The following DNAI2 variants were observed in gnomAD, a reference collection of about 807,000 sequenced individuals.
DNAI2 encodes the protein dynein, axonemal, intermediate polypeptide 2.
Under a neutral mutation model 74.7 loss-of-function variants are expected in DNAI2, and 63 were observed. The observed-to-expected ratio is 0.84, with a 90% confidence interval of 0.69 to 1.04. DNAI2 has a LOEUF of 1.04. DNAI2 is among the 50% of genes least tolerant of loss of function. DNAI2 has a pLI of 0.00. For missense variants in DNAI2, 688 were observed against 803.2 expected (o/e 0.86, Z 1.73); for synonymous variants, 289 against 314.9 (o/e 0.92, Z 0.87).
rs915342549 is a variant in DNAI2, at chr17:74,300,248, A to G, written c.864+391A>G. Reference sequence around the variant, plus strand: ...AGGCATGAGCCACTGCGCCCAGCCTAACACTTTATTTTTAAGTTGAGTAGT... The same window carrying G: ...AGGCATGAGCCACTGCGCCCAGCCTGACACTTTATTTTTAAGTTGAGTAGT... On this transcript the variant is annotated intron_variant, in intron 7 of 13. Transcript: ENST00000311014. This position sits in a 1 kb window ranked among gnomAD's most constrained non-coding sequence, Gnocchi z 4.5. Among the ~76,000 whole-genome samples, 1 of 152,126 alleles carries G rather than the reference A, an allele frequency of 6.6e-6. No individual in the cohort carries two copies. The highest frequency in any genetic ancestry group is 1.9e-4 in the East Asian group (1 of 5,186).
chr17:74,279,337 G>A (rs1439160253), intron 1 of DNAI2, among the ~76,000 whole-genome samples: 1 of 151,982 alleles, frequency 6.6e-6, no homozygotes, highest in Non-Finnish European at 1.5e-5. Context: ...AGTATAACTG[G>A]ATTGTTTGTA....
At chr17:74,313,988 G>A (rs758148650) in intron 12 of DNAI2, 133 bp from the exon 13 acceptor site, 7 of 1,478,536 alleles carry the variant, frequency 4.7e-6, no homozygotes, top group Non-Finnish European at 5.6e-6. Context: ...CTGGCACCCG[G>A]GTTCCAGGGT....
At chr17:74,282,863 G>A (rs997188690) in intron 2 of DNAI2, among the ~76,000 whole-genome samples, 7 of 152,212 alleles carry the variant, frequency 4.6e-5, no homozygotes, top group Non-Finnish European at 1.0e-4. Context: ...CCAACAGTCA[G>A]GTGGGTGTGG....
At chr17:74,304,250 A>G (rs2053054786) in intron 8 of DNAI2, among the ~76,000 whole-genome samples, 1 of 115,192 alleles carries the variant, frequency 8.7e-6, no homozygotes, top group Non-Finnish European at 1.6e-5. Context: ...GCTGGAGTGC[A>G]GTGGCATGAT....
chr17:74,303,318 T>A (rs977976070), intron 8 of DNAI2, among the ~76,000 whole-genome samples: 1 of 152,132 alleles, frequency 6.6e-6, no homozygotes, highest in Non-Finnish European at 1.5e-5. Context: ...GCCACTCAGA[T>A]CTGGGTGGCC....
At chr17:74,301,299 C>A in intron 8 of DNAI2, 131 bp downstream of exon 8, 1 of 1,338,068 alleles carries the variant, frequency 7.5e-7, no homozygotes, top group Non-Finnish European at 1.1e-6. Flanking sequence ...CTCACTGCAG[C>A]CATCCTAGAC....
Position 74,289,745 on chromosome 17 carries a change from C to T in DNAI2, c.610+9C>T. The stretch of plus-strand genomic sequence containing the variant: ...ATACATCTGGGACCTGGGTGAGAAG[C>T]AGCGGGGTCCTGGTGGCCTGGGAGG... On this transcript the variant is annotated intron_variant, in intron 5 of 13. Transcript: ENST00000311014. 1 of 1,613,780 alleles carries T rather than the reference C, an allele frequency of 6.2e-7. No individual in the cohort carries two copies.
At position 74,299,876 on chromosome 17, in the gene DNAI2, C is replaced by T. The variant is rs752816207; in HGVS notation, c.864+19C>T. 4 of 1,613,146 alleles carry T rather than the reference C, an allele frequency of 2.5e-6. No individual in the cohort carries two copies. The highest frequency in any genetic ancestry group is 2.7e-5 in the African/African-American group (2 of 75,038). ...TGGGCAGGTACCCACCAGCCAGACA[C>T]TGGAGAGAGGAGGGAAGGGAGGGGC... On this transcript the variant is annotated intron_variant, in intron 7 of 13. Transcript: ENST00000311014.
intron 1 of DNAI2, among the ~76,000 whole-genome samples, chr17:74,277,927 T>C (rs2051190884): frequency 6.6e-6 from 1 of 152,076 alleles, no homozygotes; most frequent in South Asian, 2.1e-4. Flanking sequence ...CCTGGAGAAT[T>C]AAAGAAAAAA....
rs544154012 is a variant in DNAI2 at position 74,309,473 on chromosome 17, C to T, written c.1347+85C>T. ...GTGTGAGTGTGGGGTGCTGTGAGCA[C>T]GTGTGCAGTGTGTGGCCAGGTGTGT... On this transcript the variant is annotated intron_variant, in intron 10 of 13. Coordinates refer to ENST00000311014, the MANE Select transcript of DNAI2 (RefSeq NM_023036.6). 16 of 1,584,686 alleles carry T rather than the reference C, an allele frequency of 1.0e-5. No individual in the cohort carries two copies. In the Admixed American group the frequency reaches 1.0e-4, roughly 10 times the overall value.
At position 74,289,637 on chromosome 17, in the gene DNAI2, C is replaced by T. The variant is rs1197383886; in HGVS notation, c.511C>T (p.His171Tyr). 4 of 1,614,098 alleles carry T rather than the reference C, an allele frequency of 2.5e-6. No homozygotes were observed. Among genetic ancestry groups the T allele is most frequent in the Admixed American group, 3.3e-5 (2 of 60,008 alleles). ...GAGGGCTGCCACACACCTCTCCTGG[C>T]ACCCCGATGGCAACAGGAAGTTGGC... is the stretch of plus-strand genomic sequence containing the variant. ...IKRAATHLSW[H>Y]PDGNRKLAVA... is the part of the protein sequence containing the mutation. The change falls in exon 5 of 14, where the codon CAC becomes TAC. Residue 171 changes from histidine (H) to tyrosine (Y), a missense_variant. Transcript: ENST00000311014.
intron 1 of DNAI2, among the ~76,000 whole-genome samples, chr17:74,277,618 G>A (rs1202942064): frequency 6.6e-6 from 1 of 152,216 alleles, no homozygotes; most frequent in African/African-American, 2.4e-5. Context: ...GGGGCACACA[G>A]CTCCTGCCCT....
intron 7 of DNAI2, 80 bp downstream of exon 7, chr17:74,299,937 G>A (rs190922660): frequency 6.3e-7 from 1 of 1,588,800 alleles, no homozygotes; most frequent in African/African-American, 1.3e-5. Flanking sequence ...AGAACCCCTG[G>A]GGACATTTCC....
At chr17:74,282,809 GA>G (rs1426232471) in intron 2 of DNAI2, among the ~76,000 whole-genome samples, 1 of 152,230 alleles carries the variant, frequency 6.6e-6, no homozygotes, top group African/African-American at 2.4e-5. Context: ...AACAACTGCT[GA>G]GATAAAATGA....
Position 74,312,104 on chromosome 17 carries a change from G to A in DNAI2, c.1596G>A (p.Gln532=), listed in dbSNP as rs372751337. The A allele has an allele frequency of 2.5e-6, 4 of 1,613,666 alleles. No homozygotes were observed. Among genetic ancestry groups the A allele is most frequent in the Admixed American group, 3.3e-5 (2 of 60,016 alleles). The part of the protein sequence containing the change: ...KGKAEGRDEE[Q]TDEELAVDLE... Reference sequence around the variant, plus strand: ...AGGCGGAGGGCAGGGATGAGGAGCAGACCGATGAGGAGCTGGCCGTAGACC... The same window carrying A: ...AGGCGGAGGGCAGGGATGAGGAGCAAACCGATGAGGAGCTGGCCGTAGACC... Residue 532 remains glutamine (Q), a synonymous_variant, in exon 12 of 14, where the codon CAG becomes CAA. Coordinates refer to ENST00000311014, the MANE Select transcript of DNAI2 (RefSeq NM_023036.6).
intron 2 of DNAI2, among the ~76,000 whole-genome samples, chr17:74,283,690 G>A (rs947583682): frequency 2.0e-5 from 3 of 152,134 alleles, no homozygotes; most frequent in South Asian, 2.1e-4. Flanking sequence ...GATCACTTCC[G>A]CTCAGGAGTT....
At chr17:74,292,131 C>G (rs2052147043) in intron 6 of DNAI2, among the ~76,000 whole-genome samples, 1 of 152,214 alleles carries the variant, frequency 6.6e-6, no homozygotes, top group African/African-American at 2.4e-5. Context: ...TTCCAAAGTA[C>G]TGGGATTACT....
chr17:74,275,747 G>A (rs562653455), intron 1 of DNAI2, among the ~76,000 whole-genome samples: 8 of 151,940 alleles, frequency 5.3e-5, no homozygotes, highest in South Asian at 4.1e-4. Context: ...AAAATTAGCC[G>A]AGTGTGGTGG....
intron 6 of DNAI2, among the ~76,000 whole-genome samples, chr17:74,294,510 C>T (rs1442398631): frequency 6.6e-6 from 1 of 151,606 alleles, no homozygotes; most frequent in African/African-American, 2.4e-5. Context: ...GAGATAGGGT[C>T]TTGCTATGTT....
Sources: allele counts gnomAD v4.1 joint callset (sites outside exome capture counted in the v4.1 genomes callset), GRCh38; gene constraint gnomAD v4.1.1; non-coding constraint Gnocchi (gnomAD v3.1); transcripts MANE v1.5; gene names NCBI Gene and HGNC (gene_info 2026-07-23, HGNC 2026-07-21).